Variants in RABEP1 observed in about 807,000 individuals in gnomAD.
RABEP1 encodes rabaptin, RAB GTPase binding effector protein 1.
Under a neutral mutation model 123.4 loss-of-function variants are expected in RABEP1, and 51 were observed. That is an observed-to-expected ratio of 0.41 (90% CI 0.33 to 0.52). The LOEUF (loss-of-function observed/expected upper bound fraction) is 0.52, where lower values mean the gene tolerates loss of function less well. RABEP1 is among the 20% of genes least tolerant of loss of function. The pLI is 0.16. For synonymous variants in RABEP1, 347 were observed against 355.2 expected, an observed-to-expected ratio of 0.98 and a Z score of 0.26; for missense variants, 888 against 996.3, an observed-to-expected ratio of 0.89 and a Z score of 1.46.
Position 5,385,618 on chromosome 17 carries a change from G to C in RABEP1, c.*2395G>C, listed in dbSNP as rs1454038048. 5 of 230,890 alleles carry C rather than the reference G, an allele frequency of 2.2e-5. No individual in the cohort carries two copies. The South Asian group carries it at 5.5e-4, about 25-fold the overall frequency. 14.3% of individuals were successfully genotyped at this position (230,890 alleles called of 1,614,324 possible). On this transcript the variant is annotated 3_prime_UTR_variant, in exon 18 of 18. Transcript: ENST00000537505. Reference sequence around the variant, plus strand: ...TCATGTCCACTCAGTAACAAGTATTGGGACGTAGAGCACAGCCTCACTCAG... The same window carrying C: ...TCATGTCCACTCAGTAACAAGTATTCGGACGTAGAGCACAGCCTCACTCAG...
chr17:5,371,460 T>G (rs1910528353), intron 12 of RABEP1: 1 of 152,250 alleles, frequency 6.6e-6, no homozygotes, highest in Admixed American at 6.5e-5. Context: ...CCTTCTGTTT[T>G]TCTCTTTACA....
At position 5,372,226 on chromosome 17, in the gene RABEP1, C is replaced by T. The variant is rs144046867; in HGVS notation, c.1885-1088C>T. ...TTGGGAGGCTGAGGTGGGCGGATCA[C>T]GAGGTCAGGAGATTGAGACCAGCCT... On this transcript the variant is annotated intron_variant, in intron 12 of 17. Transcript: ENST00000537505. Among the ~76,000 whole-genome samples, 691 of 152,080 alleles carry T rather than the reference C, an allele frequency of 4.5e-3. 5 individuals are homozygous for T. The highest frequency in any genetic ancestry group is 7.3e-3 in the Non-Finnish European group (498 of 68,006).
chr17:5,338,674 T>C (rs1054812600), intron 5 of RABEP1, among the ~76,000 whole-genome samples: 1 of 152,238 alleles, frequency 6.6e-6, no homozygotes, highest in Admixed American at 6.5e-5. Flanking sequence ...AAGTGGCTGC[T>C]TTGTCACAAA....
intron 1 of RABEP1, among the ~76,000 whole-genome samples, chr17:5,297,100 A>G (rs2075090729): frequency 6.6e-6 from 1 of 152,054 alleles, no homozygotes; most frequent in Non-Finnish European, 1.5e-5. Flanking sequence ...TTTAACTGAT[A>G]CTGCAGTCAA....
At chr17:5,330,880 C>T (rs758672710) in intron 2 of RABEP1, among the ~76,000 whole-genome samples, 10 of 151,772 alleles carry the variant, frequency 6.6e-5, no homozygotes, top group Admixed American at 2.0e-4. Flanking sequence ...AAAAATTAGC[C>T]GGGCGTGATG....
At chr17:5,320,218 G>C (rs1354108592) in intron 2 of RABEP1, among the ~76,000 whole-genome samples, 1 of 151,418 alleles carries the variant, frequency 6.6e-6, no homozygotes, top group East Asian at 1.9e-4. Context: ...GGAAGGAGTG[G>C]AATGACACCT....
chr17:5,332,782 AT>A (rs1906688507), intron 3 of RABEP1, among the ~76,000 whole-genome samples: 1 of 151,444 alleles, frequency 6.6e-6, no homozygotes, highest in Non-Finnish European at 1.5e-5. Flanking sequence ...CTAATTTTGT[AT>A]TTTTAGTAGA....
chr17:5,380,712 C>G (rs755130952), intron 16 of RABEP1, among the ~76,000 whole-genome samples: 5 of 152,204 alleles, frequency 3.3e-5, no homozygotes, highest in Non-Finnish European at 7.3e-5. Context: ...GGCCATTGAC[C>G]AAGCCTGGGC....
chr17:5,338,378 A>G (rs1045558940), intron 5 of RABEP1, among the ~76,000 whole-genome samples: 1 of 152,168 alleles, frequency 6.6e-6, no homozygotes, highest in South Asian at 2.1e-4. Context: ...TCTGACCAAC[A>G]TGGAGAAACC....
chr17:5,338,674 T>G (rs1054812600), intron 5 of RABEP1, among the ~76,000 whole-genome samples: 5 of 152,238 alleles, frequency 3.3e-5, no homozygotes, highest in Admixed American at 1.3e-4. Flanking sequence ...AAGTGGCTGC[T>G]TTGTCACAAA....
chr17:5,330,039 A>G (rs1906379813), intron 2 of RABEP1, among the ~76,000 whole-genome samples: 1 of 152,180 alleles, frequency 6.6e-6, no homozygotes, highest in Admixed American at 6.5e-5. Flanking sequence ...TGTTAAGTGT[A>G]TAAACTTGAG....
In RABEP1 at chr17:5,361,600, C is replaced by T. The variant is rs1315548855; in HGVS notation, c.1488C>T (p.Gly496=). The T allele has an allele frequency of 6.2e-7, 1 of 1,614,178 alleles. No individual in the cohort carries two copies. The highest frequency in any genetic ancestry group is 8.5e-7 in the Non-Finnish European group (1 of 1,180,016). Residue 496 remains glycine (G), a synonymous_variant, in exon 9 of 18, where the codon GGC becomes GGT. Coordinates refer to ENST00000537505, the MANE Select transcript of RABEP1 (RefSeq NM_004703.6). ...CCCTCCTCTCCAGCGTTACCCAGGG[C>T]ATGGAGAGTGCCTATGTGTCCCCTA... ...TASLLSSVTQ[G]MESAYVSPSG...
chr17:5,374,703 A>T (rs1910840981), intron 13 of RABEP1, among the ~76,000 whole-genome samples: 1 of 151,812 alleles, frequency 6.6e-6, no homozygotes, highest in Non-Finnish European at 1.5e-5. Context: ...GCAGTGGCGC[A>T]ACCTAGGCTT....
At chr17:5,290,247 C>T (rs1271512356) in intron 1 of RABEP1, among the ~76,000 whole-genome samples, 1 of 152,126 alleles carries the variant, frequency 6.6e-6, no homozygotes, top group African/African-American at 2.4e-5. Context: ...GCCACCACAC[C>T]CGGCTAATTT....
At chr17:5,293,893 T>C (rs1199817584) in intron 1 of RABEP1, among the ~76,000 whole-genome samples, 1 of 152,134 alleles carries the variant, frequency 6.6e-6, no homozygotes, top group African/African-American at 2.4e-5. Context: ...ATTTCAATTA[T>C]TAAGTTGTTT....
chr17:5,363,299 A>T (rs1909725362), intron 10 of RABEP1, among the ~76,000 whole-genome samples: 1 of 150,302 alleles, frequency 6.7e-6, no homozygotes, highest in Non-Finnish European at 1.5e-5. Context: ...AGCTCACTGC[A>T]ACTTCCGACC....
In RABEP1 at chr17:5,385,982, G is replaced by A. The variant is rs1312259198; in HGVS notation, c.*2759G>A. The A allele has an allele frequency of 4.1e-6, 2 of 485,162 alleles. No homozygotes were observed. Among genetic ancestry groups the A allele is most frequent in the Non-Finnish European group, 7.2e-6 (2 of 278,030 alleles). 30.1% of individuals were successfully genotyped at this position (485,162 alleles called of 1,614,324 possible). Reference sequence around the variant, plus strand: ...GCAGTGTGCAGTGTGAAATAATCCTGAGTCCTTGCTGAACACAACTGTAGG... The same window carrying A: ...GCAGTGTGCAGTGTGAAATAATCCTAAGTCCTTGCTGAACACAACTGTAGG... On this transcript the variant is annotated 3_prime_UTR_variant, in exon 18 of 18. Coordinates refer to ENST00000537505, the MANE Select transcript of RABEP1 (RefSeq NM_004703.6).
chr17:5,354,302 G>T, intron 7 of RABEP1, 57 bp from the exon 8 acceptor site: 1 of 1,470,226 alleles, frequency 6.8e-7, no homozygotes, highest in Non-Finnish European at 9.3e-7. Flanking sequence ...TTAAAGAACT[G>T]TGTCACTTAT....
At chr17:5,295,399 A>G (rs1426191099) in intron 1 of RABEP1, among the ~76,000 whole-genome samples, 3 of 151,922 alleles carry the variant, frequency 2.0e-5, no homozygotes, top group African/African-American at 7.3e-5. Flanking sequence ...AAAAAAAAAA[A>G]AAAAGTTATT....
Sources: allele counts gnomAD v4.1 joint callset (sites outside exome capture counted in the v4.1 genomes callset), GRCh38; gene constraint gnomAD v4.1.1; transcripts MANE v1.5; gene names NCBI Gene and HGNC (gene_info 2026-07-23, HGNC 2026-07-21).